Variants in APBA2 observed in about 807,000 individuals in gnomAD.
APBA2 encodes amyloid beta precursor protein binding family A member 2.
In APBA2, 30 loss-of-function variants were observed where a neutral mutation model predicts 75.0. The observed-to-expected ratio is 0.40, with a 90% CI of 0.30 to 0.54. APBA2 has a LOEUF of 0.54. APBA2 is among the 20% of genes least tolerant of loss of function. The pLI is 0.49. For missense variants in APBA2, 801 were observed against 1,016.1 expected, an observed-to-expected ratio of 0.79 and a Z score of 2.88; for synonymous variants, 444 against 409.6, an observed-to-expected ratio of 1.08 and a Z score of -1.01.
chr15:28,940,378 A>G (rs2035136108), intron 2 of APBA2, among the ~76,000 whole-genome samples: 1 of 138,902 alleles, frequency 7.2e-6, no homozygotes, highest in African/African-American at 2.9e-5. Context: ...AAAAAAAAAA[A>G]AAAAAAAAAT....
intron 2 of APBA2, among the ~76,000 whole-genome samples, chr15:28,974,741 G>A (rs957169398): frequency 1.3e-5 from 2 of 152,100 alleles, no homozygotes; most frequent in African/African-American, 2.4e-5. Context: ...TGAATTTGAC[G>A]ATAATTAAAA....
chr15:29,075,039 A>G (rs758000862), intron 5 of APBA2, 38 bp downstream of exon 5: 1 of 1,455,858 alleles, frequency 6.9e-7, no homozygotes, highest in South Asian at 1.2e-5. Flanking sequence ...GGGCTGGAAC[A>G]CTCATCTAAT....
At chr15:29,006,826 A>G (rs2039142430) in intron 3 of APBA2, among the ~76,000 whole-genome samples, 1 of 152,238 alleles carries the variant, frequency 6.6e-6, no homozygotes, top group Non-Finnish European at 1.5e-5. Flanking sequence ...TAGCCAAACT[A>G]TGTCATATCC....
chr15:29,011,307 T>C (rs1030515606), intron 3 of APBA2, among the ~76,000 whole-genome samples: 2 of 152,246 alleles, frequency 1.3e-5, no homozygotes. Flanking sequence ...TGGCTGGCTG[T>C]CCAGCACCAT....
chr15:29,030,969 T>G (rs1217152122), intron 3 of APBA2, among the ~76,000 whole-genome samples: 1 of 152,236 alleles, frequency 6.6e-6, no homozygotes, highest in Non-Finnish European at 1.5e-5. Context: ...AGGTACATGA[T>G]GCTCTTGGTG....
intron 3 of APBA2, among the ~76,000 whole-genome samples, chr15:29,012,518 G>C (rs1595724496): frequency 1.3e-5 from 2 of 151,982 alleles, no homozygotes; most frequent in African/African-American, 4.8e-5. Context: ...CTCCATGAGG[G>C]AACAGTATCT....
chr15:29,108,643 T>C, intron 13 of APBA2: 1 of 595,008 alleles, frequency 1.7e-6, no homozygotes, highest in Non-Finnish European at 3.0e-6. Flanking sequence ...CTTGTCCCCA[T>C]GGTGGTTGTC....
intron 3 of APBA2, among the ~76,000 whole-genome samples, chr15:29,041,648 T>C (rs2041052525): frequency 6.6e-6 from 1 of 152,124 alleles, no homozygotes; most frequent in African/African-American, 2.4e-5. Context: ...TGGAAAGATA[T>C]ATTTATATTT....
intron 2 of APBA2, among the ~76,000 whole-genome samples, chr15:28,931,152 C>A (rs1404617068): frequency 6.6e-6 from 1 of 152,260 alleles, no homozygotes; most frequent in Non-Finnish European, 1.5e-5. Flanking sequence ...TCTTCTGGTA[C>A]CCCGTAGGCC....
At chr15:28,993,909 G>T (rs1446677807) in intron 2 of APBA2, among the ~76,000 whole-genome samples, 1 of 152,108 alleles carries the variant, frequency 6.6e-6, no homozygotes, top group Non-Finnish European at 1.5e-5. Flanking sequence ...CCCAGAGCCG[G>T]AGTTTAGGGT....
At chr15:28,942,930 C>T (rs1566824378) in intron 2 of APBA2, among the ~76,000 whole-genome samples, 1 of 152,194 alleles carries the variant, frequency 6.6e-6, no homozygotes, top group South Asian at 2.1e-4. Flanking sequence ...TCCTGGGCCT[C>T]GGTTTCCTCG....
At chr15:29,056,602 C>CT (rs1219021974) in intron 4 of APBA2, among the ~76,000 whole-genome samples, 258 of 2,542 alleles carry the variant, frequency 0.1, 13 homozygotes, top group African/African-American at 0.14. Context: ...CCCTCCCTCC[C>CT]TCCCTCCCTC....
rs773916156 is a variant in APBA2 at position 29,093,107 on chromosome 15, G to C, written c.1102G>C (p.Asp368His). The change falls in exon 7 of 15, where the codon GAC becomes CAC. Residue 368 changes from aspartate (D) to histidine (H), a missense_variant. Coordinates refer to ENST00000683413, the MANE Select transcript of APBA2 (RefSeq NM_001353788.2). Reference sequence around the variant, plus strand: ...GCCCTGCGAACCAGAAGACCTCATCGACGGGATCATCTTTGCTGCCAATTA... The same window carrying C: ...GCCCTGCGAACCAGAAGACCTCATCCACGGGATCATCTTTGCTGCCAATTA... ...PGPCEPEDLI[D>H]GIIFAANYLG... 1 of 1,614,098 alleles carries C rather than the reference G, an allele frequency of 6.2e-7. No individual in the cohort carries two copies. Among genetic ancestry groups the C allele is most frequent in the Non-Finnish European group, 8.5e-7 (1 of 1,180,058 alleles).
At chr15:28,938,990 G>T (rs572933749) in intron 2 of APBA2, among the ~76,000 whole-genome samples, 2 of 152,132 alleles carry the variant, frequency 1.3e-5, no homozygotes, top group African/African-American at 4.8e-5. Context: ...AACTTAAATT[G>T]TGCGCATGAA....
At chr15:29,052,263 A>G (rs971019266) in intron 3 of APBA2, among the ~76,000 whole-genome samples, 4 of 151,842 alleles carry the variant, frequency 2.6e-5, no homozygotes, top group Admixed American at 6.6e-5. Context: ...TGACCATCCT[A>G]GCTAACACGG....
chr15:29,078,170 C>G (rs1232276973), intron 6 of APBA2, among the ~76,000 whole-genome samples: 2 of 152,008 alleles, frequency 1.3e-5, no homozygotes, highest in African/African-American at 4.8e-5. Flanking sequence ...TGCTGAGCAC[C>G]TATAGTCATG....
chr15:29,097,081 G>C (rs2043884064), intron 8 of APBA2, among the ~76,000 whole-genome samples: 1 of 152,254 alleles, frequency 6.6e-6, no homozygotes, highest in Admixed American at 6.5e-5. Context: ...GTCGCTGTGA[G>C]GACAGCACTT....
At chr15:29,061,168 G>A (rs1476242702) in intron 4 of APBA2, among the ~76,000 whole-genome samples, 1 of 152,202 alleles carries the variant, frequency 6.6e-6, no homozygotes, top group Non-Finnish European at 1.5e-5. Flanking sequence ...GCCTCTGGGT[G>A]GCCTGTGGAA....
At chr15:28,908,536 C>T (rs1268462426) in intron 1 of APBA2, among the ~76,000 whole-genome samples, 2 of 151,956 alleles carry the variant, frequency 1.3e-5, no homozygotes, top group Admixed American at 1.3e-4. Flanking sequence ...GTCTCGATCT[C>T]CTGACCTCGT....
Sources: gnomAD v4.1 joint callset for allele counts (sites outside exome capture counted in the v4.1 genomes callset) on GRCh38, gnomAD v4.1.1 for gene constraint, MANE v1.5 for transcripts, NCBI Gene and HGNC (gene_info 2026-07-23, HGNC 2026-07-21) for gene names.